Variants in THEMIS observed in about 807,000 individuals in gnomAD.
THEMIS encodes thymocyte selection associated, also known as protein THEMIS.
In THEMIS, 37 loss-of-function variants were observed where a neutral mutation model predicts 52.6. The ratio of observed to expected loss-of-function variants is 0.70; its 90% CI spans 0.54 to 0.93. The LOEUF (loss-of-function observed/expected upper bound fraction) is 0.93. THEMIS is among the 40% of genes least tolerant of loss of function. THEMIS has a pLI of 0.00. For synonymous variants in THEMIS, 292 were observed against 272.7 expected, an observed-to-expected ratio of 1.07 and a Z score of -0.70; for missense variants, 808 against 763.1, an observed-to-expected ratio of 1.06 and a Z score of -0.69.
chr6:127,824,855 G>A (rs1778453596), intron 3 of THEMIS, among the ~76,000 whole-genome samples: 1 of 152,148 alleles, frequency 6.6e-6, no homozygotes, highest in African/African-American at 2.4e-5. Context: ...AACCCAGGAG[G>A]CGGAGCTTGC....
At chr6:127,762,003 G>A (rs916960758) in intron 4 of THEMIS, among the ~76,000 whole-genome samples, 21 of 152,098 alleles carry the variant, frequency 1.4e-4, no homozygotes, top group Admixed American at 4.6e-4. Flanking sequence ...GAAACACCCT[G>A]AATGTCTACT....
chr6:127,794,255 A>C (rs907082925), intron 4 of THEMIS, among the ~76,000 whole-genome samples: 7 of 152,184 alleles, frequency 4.6e-5, no homozygotes, highest in African/African-American at 1.7e-4. Context: ...TTCTGTTTCC[A>C]TTCTTGCTCC....
At chr6:127,743,294 T>C (rs1424976490) in intron 4 of THEMIS, among the ~76,000 whole-genome samples, 1 of 152,176 alleles carries the variant, frequency 6.6e-6, no homozygotes, top group African/African-American at 2.4e-5. Flanking sequence ...ACATGCCAGA[T>C]ACGAAGCCTA....
downstream of THEMIS, among the ~76,000 whole-genome samples, chr6:127,703,704 C>A (rs1426756487): frequency 1.3e-5 from 2 of 152,090 alleles, no homozygotes; most frequent in Non-Finnish European, 2.9e-5. Flanking sequence ...ATAAACTAAA[C>A]CTTGCAAAAA....
intron 4 of THEMIS, among the ~76,000 whole-genome samples, chr6:127,787,920 A>ATAGATAGATAGATAG (rs1562258195): frequency 3.8e-4 from 51 of 135,554 alleles, no homozygotes; most frequent in Non-Finnish European, 4.3e-4. Context: ...TAGATAGATA[A>ATAGATAGATAGATAG]ATAGATGCTC....
intron 4 of THEMIS, among the ~76,000 whole-genome samples, chr6:127,736,851 C>CAAAAAAAAAAAA (rs3057968): frequency 1.1e-4 from 12 of 104,862 alleles, no homozygotes; most frequent in Non-Finnish European, 1.3e-4. Flanking sequence ...ACCAAATGAT[C>CAAAAAAAAAAAA]AAAAAAAAAA....
intron 1 of THEMIS, among the ~76,000 whole-genome samples, chr6:127,861,212 A>T (rs1779786488): frequency 6.6e-6 from 1 of 152,186 alleles, no homozygotes; most frequent in African/African-American, 2.4e-5. Flanking sequence ...AGTACATTTT[A>T]TACACATCAA....
chr6:127,870,453 C>T (rs1260721275), intron 1 of THEMIS, among the ~76,000 whole-genome samples: 34 of 152,050 alleles, frequency 2.2e-4, no homozygotes, highest in Non-Finnish European at 5.9e-5. Context: ...AAACAGAGAA[C>T]AAACAGAAAA....
chr6:127,734,676 C>T (rs1353467300), intron 4 of THEMIS, among the ~76,000 whole-genome samples: 2 of 151,606 alleles, frequency 1.3e-5, no homozygotes, highest in Non-Finnish European at 2.9e-5. Context: ...CAAGACCATC[C>T]TGGCTAACAT....
At chr6:127,744,815 C>T (rs1775331268) in intron 4 of THEMIS, among the ~76,000 whole-genome samples, 1 of 151,456 alleles carries the variant, frequency 6.6e-6, no homozygotes, top group African/African-American at 2.4e-5. Flanking sequence ...AAGGGTAGAT[C>T]CCATGTCAAG....
In THEMIS at chr6:127,829,820, T is replaced by C. The variant is rs1414098458; in HGVS notation, c.365A>G (p.Asp122Gly). ...LGHPCFYHQKDIKLENLIIKQ... is the reference protein window; with the variant it reads ...LGHPCFYHQKGIKLENLIIKQ... ...TATGATGAGGTTCTCTAGTTTTATA[T>C]CCTTCTGATGATAGAAGCAAGGATG... The change falls in exon 3 of 6, where the codon GAT (aspartate) becomes GGT (glycine). Residue 122 changes from aspartate to glycine, a missense_variant. Physicochemically the swap from Asp to Gly is moderately conservative, Grantham distance 94 (BLOSUM62 -1). Transcript: ENST00000368248. 1 of 1,614,022 alleles carries C rather than the reference T, an allele frequency of 6.2e-7. No homozygotes were observed. Among genetic ancestry groups the C allele is most frequent in the Non-Finnish European group, 8.5e-7 (1 of 1,180,032 alleles).
At chr6:127,770,531 G>A (rs545807017) in intron 4 of THEMIS, among the ~76,000 whole-genome samples, 1 of 152,124 alleles carries the variant, frequency 6.6e-6, no homozygotes, top group South Asian at 2.1e-4. Context: ...TTAGCCCTTT[G>A]TCACAGGGGT....
At chr6:127,741,685 G>A (rs1461965435) in intron 4 of THEMIS, among the ~76,000 whole-genome samples, 1 of 152,156 alleles carries the variant, frequency 6.6e-6, no homozygotes, top group Admixed American at 6.5e-5. Flanking sequence ...TGCTGCATCA[G>A]CTTATTCTCA....
intron 4 of THEMIS, among the ~76,000 whole-genome samples, chr6:127,779,752 CCT>C (rs1166922338): frequency 1.3e-5 from 2 of 152,054 alleles, no homozygotes; most frequent in Non-Finnish European, 2.9e-5. Context: ...AATTTCATAA[CCT>C]CTCTTGGCCT....
intron 5 of THEMIS, among the ~76,000 whole-genome samples, chr6:127,717,933 A>T (rs973287559): frequency 2.0e-5 from 3 of 151,758 alleles, no homozygotes; most frequent in Non-Finnish European, 4.4e-5. Context: ...AAAGAGGAGA[A>T]AGCTCAGAAA....
chr6:127,727,510 T>C (rs1408712798), intron 4 of THEMIS, among the ~76,000 whole-genome samples: 1 of 152,140 alleles, frequency 6.6e-6, no homozygotes, highest in Non-Finnish European at 1.5e-5. Flanking sequence ...TGTCTGTATC[T>C]AGGAAAATTA....
At chr6:127,730,684 G>C (rs1347189719) in intron 4 of THEMIS, among the ~76,000 whole-genome samples, 2 of 152,132 alleles carry the variant, frequency 1.3e-5, no homozygotes, top group African/African-American at 2.4e-5. Flanking sequence ...AGGCTTCATA[G>C]GTTGCACACT....
intron 1 of THEMIS, among the ~76,000 whole-genome samples, chr6:127,872,766 T>C (rs541905185): frequency 4.6e-5 from 7 of 152,078 alleles, no homozygotes; most frequent in East Asian, 1.9e-4. Flanking sequence ...CTTATGCAAA[T>C]AGTCCTAGAA....
At chr6:127,810,220 G>A (rs1320669035) in intron 4 of THEMIS, among the ~76,000 whole-genome samples, 1 of 151,608 alleles carries the variant, frequency 6.6e-6, no homozygotes, top group Non-Finnish European at 1.5e-5. Context: ...CCCTATGAGT[G>A]CTTTCTTTCT....
Sources: allele counts gnomAD v4.1 joint callset (sites outside exome capture counted in the v4.1 genomes callset), GRCh38; gene constraint gnomAD v4.1.1; transcripts MANE v1.5; gene names NCBI Gene and HGNC (gene_info 2026-07-23, HGNC 2026-07-21).